The following DOCK5 variants were observed in gnomAD, a reference collection of about 807,000 sequenced individuals.
DOCK5 encodes dedicator of cytokinesis protein 5.
Under a neutral mutation model 251.8 loss-of-function variants are expected in DOCK5, and 142 were observed. That is an observed-to-expected ratio of 0.56 (90% CI 0.49 to 0.65). DOCK5 has a LOEUF of 0.65. DOCK5 is among the 30% of genes least tolerant of loss of function. The pLI is 0.00. For missense variants in DOCK5, 2,111 were observed against 2,312.3 expected (o/e 0.91, Z 1.79); for synonymous variants, 842 against 835.5 (o/e 1.01, Z -0.13).
At position 25,302,352 on chromosome 8, in the gene DOCK5, C is replaced by A; in HGVS notation, c.874C>A (p.Pro292Thr). The A allele has an allele frequency of 2.5e-6, 4 of 1,613,012 alleles. No individual in the cohort carries two copies. The highest frequency in any genetic ancestry group is 2.5e-6 in the Non-Finnish European group (3 of 1,179,482). The stretch of plus-strand genomic sequence containing the variant: ...CCTTAGCAGCATGGACCTCATCCGG[C>A]CCCGCGTCAGCCTTGTGTGCCAGAT... ...TDLSSMDLIR[P>T]RVSLVCQIVR... The change falls in exon 10 of 52, where the codon CCC becomes ACC. Residue 292 changes from proline to threonine, a missense_variant. Transcript: ENST00000276440.
chr8:25,374,528 G>A (rs367867307), intron 36 of DOCK5, 36 bp from the exon 37 acceptor site: 13 of 1,575,924 alleles, frequency 8.2e-6, no homozygotes, highest in Middle Eastern at 1.7e-4. Flanking sequence ...TAAAACTCTC[G>A]AGTGACAAAA....
At chr8:25,401,623 A>G (rs1425438567) in intron 47 of DOCK5, among the ~76,000 whole-genome samples, 2 of 152,298 alleles carry the variant, frequency 1.3e-5, no homozygotes, top group Non-Finnish European at 2.9e-5. Context: ...AGTCCCGGCT[A>G]TTCAGGAGGC....
chr8:25,194,735 G>A (rs1031560888), intron 1 of DOCK5, among the ~76,000 whole-genome samples: 1 of 152,190 alleles, frequency 6.6e-6, no homozygotes, highest in East Asian at 1.9e-4. Context: ...CCCCAGAACC[G>A]CACTTTCCCC....
chr8:25,247,287 T>A (rs1433116698), intron 2 of DOCK5, among the ~76,000 whole-genome samples: 2 of 152,186 alleles, frequency 1.3e-5, no homozygotes, highest in Non-Finnish European at 2.9e-5. Flanking sequence ...CTTTGTCCTG[T>A]TAGGGTTCAT....
At chr8:25,257,744 A>T (rs1362765538) in intron 2 of DOCK5, among the ~76,000 whole-genome samples, 1 of 152,160 alleles carries the variant, frequency 6.6e-6, no homozygotes, top group African/African-American at 2.4e-5. Flanking sequence ...ATAACTCTTT[A>T]TAAAAAGTGG....
intron 4 of DOCK5, among the ~76,000 whole-genome samples, chr8:25,278,053 A>G (rs1208924504): frequency 1.3e-5 from 2 of 152,048 alleles, no homozygotes; most frequent in Non-Finnish European, 2.9e-5. Flanking sequence ...GTGTTGTGAA[A>G]CTGCAGATGA....
In DOCK5 at chr8:25,395,684, C is replaced by A; in HGVS notation, c.4669C>A (p.Pro1557Thr). The change falls in exon 45 of 52, where the codon CCG becomes ACG. Residue 1557 changes from proline to threonine, a missense_variant. Physicochemically the swap from Pro to Thr is conservative, Grantham distance 38. Transcript: ENST00000276440. ...LSMLLSGIVD[P>T]AVMGGFSNYE... ...CATGCTGCTCAGTGGCATCGTGGAC[C>A]CGGCCGTCATGGGGGGCTTCTCCAA... 6.2e-7 allele frequency: 1 copy of A among 1,613,712 alleles called. No homozygotes were observed. Among genetic ancestry groups the A allele is most frequent in the Non-Finnish European group, 8.5e-7 (1 of 1,179,858 alleles).
At chr8:25,203,390 G>C (rs1040140957) in intron 1 of DOCK5, among the ~76,000 whole-genome samples, 8 of 152,302 alleles carry the variant, frequency 5.3e-5, no homozygotes, top group Middle Eastern at 6.8e-3. Context: ...ATAGCTTCAG[G>C]GAGGTCCACT....
At chr8:25,198,722 A>G (rs1801796997) in intron 1 of DOCK5, among the ~76,000 whole-genome samples, 1 of 152,218 alleles carries the variant, frequency 6.6e-6, no homozygotes, top group South Asian at 2.1e-4. Flanking sequence ...GAAGAAAAAA[A>G]GCCCCAGAGA....
chr8:25,326,351 G>A (rs923985218), intron 18 of DOCK5, among the ~76,000 whole-genome samples: 13 of 152,166 alleles, frequency 8.5e-5, no homozygotes, highest in African/African-American at 3.1e-4. Context: ...AAAAAGTGTA[G>A]TTATAGGGTA....
intron 18 of DOCK5, among the ~76,000 whole-genome samples, chr8:25,330,471 T>C (rs1014556961): frequency 3.9e-5 from 6 of 152,168 alleles, no homozygotes; most frequent in African/African-American, 1.4e-4. Flanking sequence ...AAGGGAAGAA[T>C]ATACACAAAG....
At chr8:25,286,777 C>T (rs1051406640) in intron 5 of DOCK5, among the ~76,000 whole-genome samples, 2 of 152,120 alleles carry the variant, frequency 1.3e-5, no homozygotes, top group Non-Finnish European at 2.9e-5. Context: ...AATCCTCCCA[C>T]CTCAGCCTCC....
intron 2 of DOCK5, among the ~76,000 whole-genome samples, chr8:25,254,144 T>G (rs74325144): frequency 0.027 from 4,052 of 152,264 alleles, 214 homozygotes; most frequent in African/African-American, 0.092. Context: ...AGAAAAGATA[T>G]TCTTTTTAAC....
At chr8:25,316,872 A>C (rs1185154817) in intron 13 of DOCK5, 135 bp from the exon 14 acceptor site, 2 of 1,069,796 alleles carry the variant, frequency 1.9e-6, no homozygotes, top group African/African-American at 3.2e-5. Flanking sequence ...CGCATATGAA[A>C]GCCTTTTGTC....
At chr8:25,280,385 T>G (rs1160801276) in intron 5 of DOCK5, among the ~76,000 whole-genome samples, 1 of 152,198 alleles carries the variant, frequency 6.6e-6, no homozygotes, top group Non-Finnish European at 1.5e-5. Flanking sequence ...CCCTAAATAC[T>G]GAAGGCAGTA....
At chr8:25,348,302 T>A (rs187069655) in intron 26 of DOCK5, among the ~76,000 whole-genome samples, 19 of 152,334 alleles carry the variant, frequency 1.2e-4, no homozygotes, top group Admixed American at 1.1e-3. Flanking sequence ...AGCACCTCTG[T>A]GAAGTTGTCT....
chr8:25,358,087 C>G (rs559601161), intron 27 of DOCK5, among the ~76,000 whole-genome samples: 1 of 152,174 alleles, frequency 6.6e-6, no homozygotes, highest in South Asian at 2.1e-4. Context: ...GTTGGAGAAG[C>G]GGTATCAGGT....
intron 1 of DOCK5, among the ~76,000 whole-genome samples, chr8:25,205,488 C>T (rs1005689600): frequency 6.6e-6 from 1 of 152,200 alleles, no homozygotes; most frequent in African/African-American, 2.4e-5. Flanking sequence ...GACTGAGACA[C>T]AGGGAGTTGC....
At chr8:25,199,150 A>G (rs969803154) in intron 1 of DOCK5, among the ~76,000 whole-genome samples, 4 of 152,204 alleles carry the variant, frequency 2.6e-5, no homozygotes, top group Non-Finnish European at 5.9e-5. Context: ...ACTACATCAC[A>G]GGCATATTTG....
Sources: gnomAD v4.1 joint callset for allele counts (sites outside exome capture counted in the v4.1 genomes callset) on GRCh38, gnomAD v4.1.1 for gene constraint, MANE v1.5 for transcripts, NCBI Gene and HGNC (gene_info 2026-07-23, HGNC 2026-07-21) for gene names.